ARHGEF4: variants seen among roughly 807,000 people sequenced by gnomAD.
ARHGEF4 encodes APC-stimulated guanine nucleotide exchange factor 1.
ARHGEF4 carries 119 observed loss-of-function variants against 162.0 expected under a neutral mutation model. The ratio of observed to expected loss-of-function variants is 0.73; its 90% CI spans 0.63 to 0.86. The LOEUF (loss-of-function observed/expected upper bound fraction) is 0.86. ARHGEF4 is among the 40% of genes least tolerant of loss of function. ARHGEF4 has a pLI of 0.00. For synonymous variants in ARHGEF4, 1,014 were observed against 979.9 expected (o/e 1.03, Z -0.65); for missense variants, 2,488 against 2,456.0 (o/e 1.01, Z -0.28).
At chr2:131,044,045 TCC>T (rs979087033) in intron 11 of ARHGEF4, among the ~76,000 whole-genome samples, 21 of 151,984 alleles carry the variant, frequency 1.4e-4, no homozygotes, top group Non-Finnish European at 2.8e-4. Context: ...TGTCTTAGTC[TCC>T]CCACCTCAAA....
rs907534900 is a variant in ARHGEF4, at chr2:130,914,275, C to T, written c.329C>T (p.Ala110Val). The T allele has an allele frequency of 6.5e-7, 1 of 1,526,752 alleles. No homozygotes were observed. The highest frequency in any genetic ancestry group is 1.4e-5 in the African/African-American group (1 of 72,806). The allele number at this position is 1,526,752 out of a possible 1,614,324, so 94.6% of individuals were successfully genotyped here. ...EAPWEYPDVS[A>V]TGPPQEQHLT... ...CCTTGGGAATACCCTGATGTCTCAG[C>T]AACTGGACCCCCTCAGGAGCAGCAT... is the stretch of plus-strand genomic sequence containing the variant. The change falls in exon 2 of 14, where the codon GCA (alanine) becomes GTA (valine). Residue 110 changes from alanine to valine, a missense_variant. Physicochemically the swap from Ala to Val is moderately conservative, Grantham distance 64. Coordinates refer to ENST00000409359, the MANE Select transcript of ARHGEF4 (RefSeq NM_001367493.1).
intron 1 of ARHGEF4, among the ~76,000 whole-genome samples, chr2:130,895,625 C>T (rs900465000): frequency 5.3e-5 from 8 of 152,132 alleles, no homozygotes; most frequent in African/African-American, 1.9e-4. Flanking sequence ...TGCTTATTTG[C>T]CATCTGTATA....
At chr2:130,936,898 C>CTTTTTTTT (rs1682980083) in intron 3 of ARHGEF4, among the ~76,000 whole-genome samples, 1 of 104,762 alleles carries the variant, frequency 9.5e-6, no homozygotes. Context: ...TTTTTTTTTT[C>CTTTTTTTT]TTTTTTCTTT....
Position 130,915,250 on chromosome 2 carries a change from C to A in ARHGEF4, c.1304C>A (p.Ser435Ter). The A allele has an allele frequency of 6.4e-7, 1 of 1,550,564 alleles. No individual in the cohort carries two copies. The highest frequency in any genetic ancestry group is 1.2e-5 in the South Asian group (1 of 84,020). Residue 435 changes from serine (S) to a stop codon, truncating the protein, a stop_gained, in exon 2 of 14, where the codon TCA becomes TAA. Coordinates refer to ENST00000409359, the MANE Select transcript of ARHGEF4 (RefSeq NM_001367493.1). LOFTEE classifies it high-confidence loss of function. ...AACCAGTTAAGACAGGATTCCAGGT[C>A]ATGTCTGGTGGCTTCATGCCTCACC... is the stretch of plus-strand genomic sequence containing the variant. ...GENQLRQDSR[S>*]CLVASCLTSE...
rs1381482128 is a variant in ARHGEF4 at position 130,917,358 on chromosome 2, A to G, written c.3412A>G (p.Ile1138Val). The change falls in exon 2 of 14, where the codon ATT (isoleucine) becomes GTT (valine). Residue 1138 changes from isoleucine (I) to valine (V), a missense_variant. By Grantham distance (29) the Ile-to-Val change is conservative. Around this residue, in one of 6 missense-constraint regions of ARHGEF4, gnomAD observed 1,642 missense variants for 1,481.5 expected, o/e 1.11. Coordinates refer to ENST00000409359, the MANE Select transcript of ARHGEF4 (RefSeq NM_001367493.1). Reference protein sequence around the residue: ...SSSGDPERPKIPKGQTSFLLS... With the variant: ...SSSGDPERPKVPKGQTSFLLS... The stretch of plus-strand genomic sequence containing the variant: ...TTCAGGGGACCCTGAAAGACCCAAG[A>G]TTCCCAAGGGCCAGACCAGTTTCCT... 2.6e-6 allele frequency: 4 copies of G among 1,550,552 alleles called. No homozygotes were observed. The highest frequency in any genetic ancestry group is 3.5e-6 in the Non-Finnish European group (4 of 1,147,000).
chr2:130,984,728 T>G (rs539329104), intron 4 of ARHGEF4, among the ~76,000 whole-genome samples: 13 of 151,756 alleles, frequency 8.6e-5, no homozygotes, highest in Non-Finnish European at 1.3e-4. Flanking sequence ...AATTCTAATT[T>G]CCCATGACTA....
At chr2:130,879,834 A>C (rs1358736498) in intron 1 of ARHGEF4, among the ~76,000 whole-genome samples, 3 of 152,040 alleles carry the variant, frequency 2.0e-5, no homozygotes, top group African/African-American at 7.3e-5. Flanking sequence ...ACTGGAGTGC[A>C]GTGGCACAAC....
chr2:130,974,764 T>C (rs1041816752), intron 4 of ARHGEF4, among the ~76,000 whole-genome samples: 2 of 152,038 alleles, frequency 1.3e-5, no homozygotes, highest in African/African-American at 4.8e-5. Context: ...ACCCGGCAAC[T>C]TTTTTGAGTA....
intron 1 of ARHGEF4, among the ~76,000 whole-genome samples, chr2:130,840,707 C>T (rs540122104): frequency 2.0e-5 from 3 of 152,310 alleles, no homozygotes; most frequent in Admixed American, 6.5e-5. Context: ...GCACAGCTCT[C>T]GTCATGGCCT....
At position 131,038,945 on chromosome 2, in the gene ARHGEF4, C is replaced by G. The variant is rs1690524819; in HGVS notation, c.4218C>G (p.Val1406=). ...DQELGFKAGD[V]IEVMDATNRE... is the part of the protein sequence containing the mutation. ...AGCTGGGCTTCAAAGCTGGGGACGT[C>G]ATCGAAGTGATGGATGCCACCAACA... is the stretch of plus-strand genomic sequence containing the variant. The change falls in exon 6 of 14, where the codon GTC becomes GTG. Residue 1406 remains valine (V), a synonymous_variant. Transcript: ENST00000409359. The G allele has an allele frequency of 6.2e-7, 1 of 1,613,680 alleles. No individual in the cohort carries two copies. The highest frequency in any genetic ancestry group is 8.5e-7 in the Non-Finnish European group (1 of 1,180,024).
At chr2:130,905,390 A>G (rs2105027456) in intron 1 of ARHGEF4, among the ~76,000 whole-genome samples, 1 of 152,282 alleles carries the variant, frequency 6.6e-6, no homozygotes, top group East Asian at 1.9e-4. Flanking sequence ...CTCTCAAGTG[A>G]AATTACGTAG....
intron 4 of ARHGEF4, among the ~76,000 whole-genome samples, chr2:130,987,213 G>A (rs566287628): frequency 2.6e-5 from 4 of 152,328 alleles, no homozygotes; most frequent in African/African-American, 9.6e-5. Context: ...GAAGGAGGAA[G>A]GCTGCCCTGC....
chr2:130,853,871 G>A (rs1021625854), intron 1 of ARHGEF4, among the ~76,000 whole-genome samples: 24 of 152,312 alleles, frequency 1.6e-4, no homozygotes, highest in African/African-American at 5.5e-4. Flanking sequence ...AGATATTGTA[G>A]TGAGCTTAGT....
At chr2:131,036,652 C>T (rs1247126576) in intron 5 of ARHGEF4, among the ~76,000 whole-genome samples, 1 of 152,194 alleles carries the variant, frequency 6.6e-6, no homozygotes, top group East Asian at 1.9e-4. Context: ...GGGCACCAGG[C>T]TTCTGCTCAG....
rs115710297 is a variant in ARHGEF4 at position 130,846,804 on chromosome 2, G to T, written c.39+9812G>T. ...TCTGTGGTCAGGGCAATGCACGTTT[G>T]TCTGTGCTCAGACATGAGTCCGGAG... On this transcript the variant is annotated intron_variant, in intron 1 of 13. Transcript: ENST00000409359. 3.3e-3 allele frequency among the ~76,000 whole-genome samples: 506 copies of T among 152,296 alleles called. 4 individuals carry two copies. Among genetic ancestry groups the T allele is most frequent in the African/African-American group, 0.012 (488 of 41,556 alleles).
intron 1 of ARHGEF4, among the ~76,000 whole-genome samples, chr2:130,873,725 C>G (rs545884759): frequency 1.3e-5 from 2 of 152,226 alleles, no homozygotes; most frequent in South Asian, 2.1e-4. Flanking sequence ...CTTTCAGAAG[C>G]CAGATCGAGT....
At chr2:131,013,752 C>T (rs774716840) in intron 4 of ARHGEF4, among the ~76,000 whole-genome samples, 1 of 152,204 alleles carries the variant, frequency 6.6e-6, no homozygotes, top group African/African-American at 2.4e-5. Context: ...AGGCGCATGC[C>T]GCCACACCCG....
intron 1 of ARHGEF4, among the ~76,000 whole-genome samples, chr2:130,896,158 A>G (rs1015224645): frequency 2.0e-5 from 3 of 152,136 alleles, no homozygotes; most frequent in African/African-American, 7.2e-5. Flanking sequence ...TGATTTTTAT[A>G]TAGTCTTTTT....
In ARHGEF4 at chr2:130,917,273, C is replaced by T. The variant is rs1269906546; in HGVS notation, c.3327C>T (p.Pro1109=). ...CTCAGCGGATGGGTCTCCACTACCC[C>T]GGGAGGGGTAGCGCCATCTCCATGG... The part of the protein sequence containing the change: ...PSAQRMGLHY[P]GRGSAISMVS... Residue 1109 remains proline, a synonymous_variant, in exon 2 of 14, where the codon CCC becomes CCT. Coordinates refer to ENST00000409359, the MANE Select transcript of ARHGEF4 (RefSeq NM_001367493.1). The T allele has an allele frequency of 5.8e-6, 9 of 1,550,390 alleles. No homozygotes were observed. The Admixed American group carries it at 7.8e-5, about 14-fold the overall frequency.
Sources: allele counts gnomAD v4.1 joint callset (sites outside exome capture counted in the v4.1 genomes callset), GRCh38; gene constraint gnomAD v4.1.1; regional missense constraint gnomAD v4.1.1; transcripts MANE v1.5; gene names NCBI Gene and HGNC (gene_info 2026-07-23, HGNC 2026-07-21).